Variants in DOCK9 observed in about 807,000 individuals in gnomAD.
DOCK9 encodes the protein dedicator of cytokinesis 9.
In DOCK9, 89 loss-of-function variants were observed where a neutral mutation model predicts 263.3. The observed-to-expected ratio is 0.34, with a 90% confidence interval of 0.28 to 0.40. The LOEUF is 0.40. DOCK9 is among the 10% of genes least tolerant of loss of function. DOCK9 has a pLI of 1.00. For missense variants in DOCK9, 2,140 were observed against 2,603.4 expected (o/e 0.82, Z 3.87); for synonymous variants, 976 against 973.1 (o/e 1.00, Z -0.06).
At chr13:98,856,381 A>T (rs753850726) in intron 33 of DOCK9, 44 of 179,560 alleles carry the variant, frequency 2.5e-4, no homozygotes, top group Non-Finnish European at 4.7e-4. Context: ...TAAACCACAC[A>T]ACAAACTTGT....
chr13:98,946,354 G>T lies in DOCK9; in HGVS notation c.243+9081C>A, dbSNP rs1252054225. 2.0e-5 allele frequency among the ~76,000 whole-genome samples: 3 copies of T among 152,050 alleles called. No individual in the cohort carries two copies. In the East Asian group the frequency reaches 5.8e-4, roughly 29 times the overall value. ...AGGCTGTGGCGATGGTTCCAACAGGGGGAGAACAAGCTGGTGAGACTTGAC... is the reference window on the plus strand; with the variant it reads ...AGGCTGTGGCGATGGTTCCAACAGGTGGAGAACAAGCTGGTGAGACTTGAC... On this transcript the variant is annotated intron_variant, in intron 2 of 52. Coordinates refer to ENST00000682017, the MANE Select transcript of DOCK9 (RefSeq NM_001366683.2).
intron 1 of DOCK9, among the ~76,000 whole-genome samples, chr13:99,012,349 A>G (rs1205876054): frequency 1.3e-5 from 2 of 152,204 alleles, no homozygotes; most frequent in Non-Finnish European, 2.9e-5. Context: ...ATGGATAGAT[A>G]TTTGGGACAT....
At chr13:98,881,533 G>T in intron 25 of DOCK9, 25 bp downstream of exon 25, 1 of 1,572,844 alleles carries the variant, frequency 6.4e-7, no homozygotes, top group South Asian at 1.2e-5. Context: ...AGATGTAAGT[G>T]ATCAGAACAG....
chr13:99,019,079 G>A (rs1055962043), intron 1 of DOCK9, among the ~76,000 whole-genome samples: 1 of 152,112 alleles, frequency 6.6e-6, no homozygotes, highest in African/African-American at 2.4e-5. Flanking sequence ...ACTGATGCAT[G>A]CCACTACACG....
Position 98,881,885 on chromosome 13 carries a change from C to T in DOCK9, c.2675+7G>A. ...AGTGAGGAAGAGCATCCATCCACCT[C>T]CCTTACCGAGTCACGTTAACCGCGA... On this transcript the variant is annotated splice_region_variant and intron_variant, in intron 24 of 52. Transcript: ENST00000682017. The T allele has an allele frequency of 1.9e-6, 3 of 1,560,258 alleles. No homozygotes were observed. The highest frequency in any genetic ancestry group is 2.6e-6 in the Non-Finnish European group (3 of 1,150,740).
intron 1 of DOCK9, among the ~76,000 whole-genome samples, chr13:98,995,086 G>T (rs911326863): frequency 6.6e-5 from 10 of 152,192 alleles, no homozygotes; most frequent in Non-Finnish European, 1.5e-5. Flanking sequence ...TGTTAGAAGT[G>T]TATCTGCTAG....
At chr13:98,819,985 T>A (rs2092158874) in intron 45 of DOCK9, among the ~76,000 whole-genome samples, 1 of 152,236 alleles carries the variant, frequency 6.6e-6, no homozygotes, top group African/African-American at 2.4e-5. Flanking sequence ...TGCTGTTCTG[T>A]AAAACAACAG....
chr13:98,975,953 T>C (rs1211976359), intron 1 of DOCK9, among the ~76,000 whole-genome samples: 4 of 152,210 alleles, frequency 2.6e-5, no homozygotes, highest in Non-Finnish European at 5.9e-5. Flanking sequence ...AAGTTGCCTT[T>C]CCAGCAGTCT....
chr13:98,977,353 T>C (rs1875117777), intron 1 of DOCK9, among the ~76,000 whole-genome samples: 1 of 152,222 alleles, frequency 6.6e-6, no homozygotes, highest in Non-Finnish European at 1.5e-5. Context: ...TTTCCAACAG[T>C]TATGTTCCTT....
intron 38 of DOCK9, among the ~76,000 whole-genome samples, chr13:98,842,760 A>G (rs1254410590): frequency 6.6e-6 from 1 of 152,218 alleles, no homozygotes; most frequent in Non-Finnish European, 1.5e-5. Context: ...CTGATACACA[A>G]TGAGCACAAA....
At chr13:98,831,855 G>A in intron 39 of DOCK9, 69 bp from the exon 40 acceptor site, 1 of 1,544,298 alleles carries the variant, frequency 6.5e-7, no homozygotes, top group Non-Finnish European at 8.7e-7. Flanking sequence ...ACAATTTCAG[G>A]CTCAAGAATT....
intron 35 of DOCK9, among the ~76,000 whole-genome samples, chr13:98,853,189 T>C (rs2093618930): frequency 6.6e-6 from 1 of 152,212 alleles, no homozygotes; most frequent in African/African-American, 2.4e-5. Context: ...TTTTCTAGAA[T>C]AAAATAATTA....
At chr13:98,896,472 T>A (rs1267673607) in intron 15 of DOCK9, among the ~76,000 whole-genome samples, 2 of 150,570 alleles carry the variant, frequency 1.3e-5, no homozygotes, top group African/African-American at 4.9e-5. Flanking sequence ...CTGATAAGAT[T>A]GCTATTTTGA....
At chr13:99,040,214 A>G (rs1888325486) in intron 1 of DOCK9, among the ~76,000 whole-genome samples, 1 of 152,174 alleles carries the variant, frequency 6.6e-6, no homozygotes, top group Admixed American at 6.5e-5. Flanking sequence ...ACCAGCAAGA[A>G]AGCCCTCACC....
chr13:98,842,589 C>G (rs2093260954), intron 38 of DOCK9, among the ~76,000 whole-genome samples: 2 of 152,260 alleles, frequency 1.3e-5, no homozygotes, highest in South Asian at 4.1e-4. Context: ...GCAAATGCAC[C>G]ACTTATTTTC....
At chr13:99,049,147 C>A (rs1307696913) in intron 1 of DOCK9, among the ~76,000 whole-genome samples, 4 of 152,218 alleles carry the variant, frequency 2.6e-5, no homozygotes, top group African/African-American at 9.7e-5. Context: ...TCTCTCATTA[C>A]TCAAGAATTT....
intron 11 of DOCK9, 85 bp from the exon 12 acceptor site, chr13:98,902,576 C>T (rs975954066): frequency 2.4e-5 from 31 of 1,279,860 alleles, no homozygotes; most frequent in Admixed American, 6.3e-5. Context: ...ATGACAAGAC[C>T]TATTTAGGAC....
chr13:98,824,583 G>A lies in DOCK9; in HGVS notation c.5024-79C>T, dbSNP rs2092447484. 3 of 1,251,192 alleles carry A rather than the reference G, an allele frequency of 2.4e-6. No homozygotes were observed. The South Asian group carries it at 3.7e-5, about 15-fold the overall frequency. The allele number at this position is 1,251,192 out of a possible 1,614,324, so 77.5% of individuals were successfully genotyped here. ...ACCCTGAGGGTTTTTCCTGCCCTGT[G>A]TGTTTCTGTGTTGAATGAAATAACG... On this transcript the variant is annotated intron_variant, in intron 44 of 52. Coordinates refer to ENST00000682017, the MANE Select transcript of DOCK9 (RefSeq NM_001366683.2).
At position 98,829,839 on chromosome 13, in the gene DOCK9, C is replaced by T. The variant is rs2092690297; in HGVS notation, c.4636-83G>A. On this transcript the variant is annotated intron_variant, in intron 41 of 52. Transcript: ENST00000682017. The surrounding 1 kb of genome is among the most constrained non-coding windows in gnomAD (Gnocchi z 4.1). ...GGCTTCTGCGTTCAGTTAGGATGTGCCTAAGGACCCAGCAAAGTGGGGGTT... is the reference window on the plus strand; with the variant it reads ...GGCTTCTGCGTTCAGTTAGGATGTGTCTAAGGACCCAGCAAAGTGGGGGTT... 8.2e-7 allele frequency: 1 copy of T among 1,221,980 alleles called. No homozygotes were observed. The highest frequency in any genetic ancestry group is 2.5e-5 in the East Asian group (1 of 39,272). 75.7% of individuals were successfully genotyped at this position (1,221,980 alleles called of 1,614,324 possible). A position where few individuals can be genotyped will look rare whatever the true frequency, so the allele number is the denominator to read the frequency against.
Sources: allele counts gnomAD v4.1 joint callset (sites outside exome capture counted in the v4.1 genomes callset), GRCh38; gene constraint gnomAD v4.1.1; non-coding constraint Gnocchi (gnomAD v3.1); transcripts MANE v1.5; gene names NCBI Gene and HGNC (gene_info 2026-07-23, HGNC 2026-07-21).